SORCS2: variants seen among roughly 807,000 people sequenced by gnomAD.
SORCS2 encodes VPS10 domain-containing receptor SorCS2.
Under a neutral mutation model 141.6 loss-of-function variants are expected in SORCS2, and 100 were observed. The observed-to-expected ratio is 0.71, with a 90% CI of 0.60 to 0.83. The LOEUF (loss-of-function observed/expected upper bound fraction) is 0.83, where lower values mean the gene tolerates loss of function less well. Among genes scored for constraint, SORCS2 ranks in the 40% least tolerant of loss-of-function variants. The pLI, the probability that SORCS2 is intolerant of heterozygous loss-of-function variation, is 0.00. For synonymous variants in SORCS2, 789 were observed against 676.9 expected, an observed-to-expected ratio of 1.17 and a Z score of -2.57; for missense variants, 1,646 against 1,560.2, an observed-to-expected ratio of 1.05 and a Z score of -0.93.
chr4:7,434,878 A>G (rs1172095562), intron 2 of SORCS2: 3 of 1,561,116 alleles, frequency 1.9e-6, no homozygotes, highest in Non-Finnish European at 2.6e-6. Context: ...GGCACACAGC[A>G]TGCTGCCCAG....
At chr4:7,719,293 G>A (rs914281844) in intron 18 of SORCS2, among the ~76,000 whole-genome samples, 9 of 152,244 alleles carry the variant, frequency 5.9e-5, no homozygotes, top group Non-Finnish European at 1.3e-4. Context: ...CCAAGACGAC[G>A]CAGAGCAGTG....
At chr4:7,341,560 G>GGA (rs1720370635) in intron 1 of SORCS2, among the ~76,000 whole-genome samples, 1 of 152,204 alleles carries the variant, frequency 6.6e-6, no homozygotes, top group African/African-American at 2.4e-5. Flanking sequence ...GATGAACAAG[G>GGA]GACCAGGAAC....
chr4:7,376,139 G>A (rs1378714248), intron 1 of SORCS2, among the ~76,000 whole-genome samples: 4 of 152,348 alleles, frequency 2.6e-5, no homozygotes, highest in South Asian at 4.1e-4. Context: ...CTCCATTCAC[G>A]CTGAAGCCTG....
At chr4:7,653,732 G>GGCCACTGCTGTGTCCTGCTCTGC (rs1202485203) in intron 4 of SORCS2, among the ~76,000 whole-genome samples, 1 of 152,284 alleles carries the variant, frequency 6.6e-6, no homozygotes, top group East Asian at 1.9e-4. Context: ...CCCTGCTCGA[G>GGCCACTGCTGTGTCCTGCTCTGC]GCCACTGCTG....
At chr4:7,498,504 T>C (rs957025884) in intron 2 of SORCS2, among the ~76,000 whole-genome samples, 1 of 152,178 alleles carries the variant, frequency 6.6e-6, no homozygotes, top group African/African-American at 2.4e-5. Context: ...TTGAGACCCA[T>C]GTACCAAAAT....
intron 3 of SORCS2, among the ~76,000 whole-genome samples, chr4:7,581,229 T>C (rs985001980): frequency 3.3e-5 from 5 of 150,988 alleles, no homozygotes; most frequent in Admixed American, 6.6e-5. Context: ...CAGAAAAATA[T>C]AAATTATAAT....
At chr4:7,433,563 C>T (rs747628912) in intron 2 of SORCS2, 8 of 1,611,634 alleles carry the variant, frequency 5.0e-6, no homozygotes, top group Middle Eastern at 1.7e-4. Context: ...TGACGAAGTG[C>T]TTGCACTGGA....
At chr4:7,673,540 C>A (rs910897609) in intron 8 of SORCS2, among the ~76,000 whole-genome samples, 3 of 152,090 alleles carry the variant, frequency 2.0e-5, no homozygotes, top group Non-Finnish European at 4.4e-5. Context: ...AAGGGGCAGA[C>A]TATAAACTAC....
At chr4:7,489,088 T>C (rs1388330278) in intron 2 of SORCS2, among the ~76,000 whole-genome samples, 1 of 152,222 alleles carries the variant, frequency 6.6e-6, no homozygotes, top group Non-Finnish European at 1.5e-5. Flanking sequence ...CAGTTGGGGA[T>C]ATGGTCGCTA....
At chr4:7,269,264 G>A (rs1253963674) in intron 1 of SORCS2, among the ~76,000 whole-genome samples, 1 of 152,176 alleles carries the variant, frequency 6.6e-6, no homozygotes, top group Non-Finnish European at 1.5e-5. Flanking sequence ...AACAGCAAAG[G>A]TCCTGAGTGA....
rs1213183391 is a variant in SORCS2, at chr4:7,733,383, G to C, written c.3170G>C (p.Gly1057Ala). 1.3e-6 allele frequency: 2 copies of C among 1,591,632 alleles called. No individual in the cohort carries two copies. Residue 1057 changes from glycine to alanine, a missense_variant, in exon 24 of 27, where the codon GGA becomes GCA. Transcript: ENST00000507866. ...AQKISFLLRG[G>A]VRVLVALRDT... ...AAGATCAGCTTCCTCCTGCGAGGCG[G>C]AGTCCGGGTCCTGGTGGCCCTGCGG...
intron 1 of SORCS2, among the ~76,000 whole-genome samples, chr4:7,284,141 G>A (rs1181505449): frequency 6.6e-6 from 1 of 152,138 alleles, no homozygotes; most frequent in African/African-American, 2.4e-5. Flanking sequence ...AGGCAGGACC[G>A]CGCCCCCTTC....
chr4:7,622,043 G>T (rs1719228251), intron 3 of SORCS2, among the ~76,000 whole-genome samples: 1 of 152,130 alleles, frequency 6.6e-6, no homozygotes, highest in South Asian at 2.1e-4. Flanking sequence ...CCTCAGTAAG[G>T]CCTGGAAATA....
intron 2 of SORCS2, among the ~76,000 whole-genome samples, chr4:7,528,435 GT>G (rs1289514420): frequency 6.6e-6 from 1 of 151,362 alleles, no homozygotes; most frequent in African/African-American, 2.4e-5. Context: ...TTGTTTGTTT[GT>G]TTGTTTTTAG....
rs191772256 is a variant in SORCS2 at position 7,537,527 on chromosome 4, A to T, written c.648+5898A>T. Among the ~76,000 whole-genome samples the T allele has an allele frequency of 3.9e-4, 60 of 152,088 alleles. No homozygotes were observed. In the East Asian group the frequency reaches 0.011, roughly 28 times the overall value. ...TGTGTGCTTGGTGCTAGAGAGAGAG[A>T]GCCCTTTGCTTTGTCCAGTCTTATA... On this transcript the variant is annotated intron_variant, in intron 3 of 26. Coordinates refer to ENST00000507866, the MANE Select transcript of SORCS2 (RefSeq NM_020777.3).
intron 1 of SORCS2, among the ~76,000 whole-genome samples, chr4:7,283,837 T>C (rs1243463509): frequency 6.6e-6 from 1 of 151,966 alleles, no homozygotes; most frequent in Non-Finnish European, 1.5e-5. Flanking sequence ...GACCAGAACC[T>C]GGGGAGCCTT....
At chr4:7,480,014 C>T (rs183374370) in intron 2 of SORCS2, among the ~76,000 whole-genome samples, 61 of 152,368 alleles carry the variant, frequency 4.0e-4, no homozygotes, top group Middle Eastern at 3.4e-3. Flanking sequence ...TCTGCTTAGG[C>T]ACCTGCCAGC....
chr4:7,635,560 G>A (rs1224114969), intron 3 of SORCS2, among the ~76,000 whole-genome samples: 2 of 152,016 alleles, frequency 1.3e-5, no homozygotes, highest in Admixed American at 6.6e-5. Flanking sequence ...CTGCTTCATC[G>A]CCGTGTCAGC....
intron 1 of SORCS2, among the ~76,000 whole-genome samples, chr4:7,387,813 G>C (rs1301162382): frequency 2.5e-4 from 12 of 48,734 alleles, no homozygotes; most frequent in East Asian, 3.3e-3. Context: ...TGCACACACA[G>C]ATACAGAGAT....
Sources: allele counts gnomAD v4.1 joint callset (sites outside exome capture counted in the v4.1 genomes callset), GRCh38; gene constraint gnomAD v4.1.1; transcripts MANE v1.5; gene names NCBI Gene and HGNC (gene_info 2026-07-23, HGNC 2026-07-21).